Variants in KIRREL3 observed in about 807,000 individuals in gnomAD.
KIRREL3 encodes the protein kin of IRRE-like protein 3.
KIRREL3 carries 36 observed loss-of-function variants against 89.7 expected under a neutral mutation model. The observed-to-expected ratio is 0.40, with a 90% CI of 0.31 to 0.53. The LOEUF (loss-of-function observed/expected upper bound fraction) is 0.53. Among genes scored for constraint, KIRREL3 ranks in the 20% least tolerant of loss-of-function variants. The probability of loss-of-function intolerance (pLI) is 0.49; values close to 1 mark genes in which losing one functional copy is unlikely to be tolerated. For missense variants in KIRREL3, 864 were observed against 1,056.6 expected (o/e 0.82, Z 2.53); for synonymous variants, 445 against 441.4 (o/e 1.01, Z -0.10).
chr11:126,647,924 C>G lies in KIRREL3; in HGVS notation c.56-85012G>C, dbSNP rs977110243. Among the ~76,000 whole-genome samples, 2 of 152,340 alleles carry G rather than the reference C, an allele frequency of 1.3e-5. No homozygotes were observed. Among genetic ancestry groups the G allele is most frequent in the Admixed American group, 1.3e-4 (2 of 15,304 alleles). On this transcript the variant is annotated intron_variant, in intron 1 of 16. Coordinates refer to ENST00000525144, the MANE Select transcript of KIRREL3 (RefSeq NM_032531.4). The surrounding 1 kb of genome is among the most constrained non-coding windows in gnomAD (Gnocchi z 4.9). ...TTGTTACACTTTGACTTAATCTTCA[C>G]TCTTCCTTTTGCTTGCTTATACAGT...
At chr11:126,648,758 G>A (rs1248932714) in intron 1 of KIRREL3, among the ~76,000 whole-genome samples, 1 of 78,444 alleles carries the variant, frequency 1.3e-5, no homozygotes, top group African/African-American at 4.5e-5. Context: ...GATCAAATAG[G>A]AACTATATCT....
At position 126,891,190 on chromosome 11, in the gene KIRREL3, C is replaced by T. The variant is rs1258574447; in HGVS notation, c.55+109265G>A. ...ACAGTGGAAACATCTGAGAAGCGTC[C>T]CAAGATACTGCAAATTATAAAGGGT... On this transcript the variant is annotated intron_variant, in intron 1 of 16. Coordinates refer to ENST00000525144, the MANE Select transcript of KIRREL3 (RefSeq NM_032531.4). The surrounding 1 kb of genome is among the most constrained non-coding windows in gnomAD (Gnocchi z 5.1). 1.3e-5 allele frequency among the ~76,000 whole-genome samples: 2 copies of T among 152,026 alleles called. No homozygotes were observed. Among genetic ancestry groups the T allele is most frequent in the Non-Finnish European group, 2.9e-5 (2 of 68,020 alleles).
rs1939140927 is a variant in KIRREL3 at position 126,550,111 on chromosome 11, TG to T, written c.133+12723del. On this transcript the variant is annotated intron_variant, in intron 2 of 16. Coordinates refer to ENST00000525144, the MANE Select transcript of KIRREL3 (RefSeq NM_032531.4). This position sits in a 1 kb window ranked among gnomAD's most constrained non-coding sequence, Gnocchi z 4.9. ...TCTCCCCGCAAGACAGTGGTATCCT[TG>T]GGGGCAGGGACTGTGTTTTTACATG... The T allele has an allele frequency of 6.6e-6, 1 of 152,204 alleles. No homozygotes were observed. Among genetic ancestry groups the T allele is most frequent in the African/African-American group, 2.4e-5 (1 of 41,440 alleles). 9.4% of individuals were successfully genotyped at this position (152,204 alleles called of 1,614,324 possible). A position where few individuals can be genotyped will look rare whatever the true frequency, so the allele number is the denominator to read the frequency against.
chr11:126,928,460 T>C (rs1947809313), intron 1 of KIRREL3, among the ~76,000 whole-genome samples: 1 of 152,234 alleles, frequency 6.6e-6, no homozygotes. Flanking sequence ...TGATCAGGGC[T>C]GGTTTTGGAA....
chr11:126,433,579 T>C (rs1591524060), intron 13 of KIRREL3, among the ~76,000 whole-genome samples: 1 of 152,062 alleles, frequency 6.6e-6, no homozygotes, highest in South Asian at 2.1e-4. Flanking sequence ...GGTGGAATGG[T>C]GGACACTTAG....
chr11:126,831,411 C>CTCTA, intron 1 of KIRREL3, among the ~76,000 whole-genome samples: 1 of 117,888 alleles, frequency 8.5e-6, no homozygotes, highest in African/African-American at 3.5e-5. Flanking sequence ...GTCAGTCTCT[C>CTCTA]TGTCTCTCTC....
At chr11:126,786,131 T>G (rs1375839992) in intron 1 of KIRREL3, among the ~76,000 whole-genome samples, 1 of 146,854 alleles carries the variant, frequency 6.8e-6, no homozygotes, top group Non-Finnish European at 1.5e-5. Flanking sequence ...GTTCATAGAC[T>G]TGATGGAATA....
At position 126,684,364 on chromosome 11, in the gene KIRREL3, A is replaced by G. The variant is rs1946587275; in HGVS notation, c.56-121452T>C. 6.6e-6 allele frequency among the ~76,000 whole-genome samples: 1 copy of G among 152,218 alleles called. No individual in the cohort carries two copies. The highest frequency in any genetic ancestry group is 2.4e-5 in the African/African-American group (1 of 41,464). On this transcript the variant is annotated intron_variant, in intron 1 of 16. Transcript: ENST00000525144. This position sits in a 1 kb window ranked among gnomAD's most constrained non-coding sequence, Gnocchi z 4.2. ...AGAATCCTTATCACAAAGCCAATGG[A>G]AACAAAGAAGTGATACATTAAAAAC... is the stretch of plus-strand genomic sequence containing the variant.
chr11:126,466,263 A>C (rs1009407853), intron 5 of KIRREL3, among the ~76,000 whole-genome samples: 4 of 152,244 alleles, frequency 2.6e-5, no homozygotes, highest in Non-Finnish European at 5.9e-5. Context: ...AAAAAGGGAG[A>C]TGTGTTCATT....
rs896448476 is a variant in KIRREL3 at position 126,441,670 on chromosome 11, A to G, written c.1253-1121T>C. Among the ~76,000 whole-genome samples, 1 of 152,222 alleles carries G rather than the reference A, an allele frequency of 6.6e-6. No individual in the cohort carries two copies. The highest frequency in any genetic ancestry group is 1.5e-5 in the Non-Finnish European group (1 of 68,036). On this transcript the variant is annotated intron_variant, in intron 10 of 16. Coordinates refer to ENST00000525144, the MANE Select transcript of KIRREL3 (RefSeq NM_032531.4). This position sits in a 1 kb window ranked among gnomAD's most constrained non-coding sequence, Gnocchi z 5.0. The stretch of plus-strand genomic sequence containing the variant: ...CAAAACAAAAATTGCTGCAAACATA[A>G]TTGCTGTTTATTAGCCACCTTAATT...
chr11:126,616,512 A>C (rs549109070), intron 1 of KIRREL3, among the ~76,000 whole-genome samples: 17 of 152,346 alleles, frequency 1.1e-4, no homozygotes, highest in Admixed American at 6.5e-4. Context: ...TGGTAAGCAC[A>C]AAAAAGGGAG....
chr11:126,904,423 T>C lies in KIRREL3; in HGVS notation c.55+96032A>G, dbSNP rs569267323. Among the ~76,000 whole-genome samples the C allele has an allele frequency of 2.0e-5, 3 of 152,240 alleles. No individual in the cohort carries two copies. The highest frequency in any genetic ancestry group is 6.5e-5 in the Admixed American group (1 of 15,282). On this transcript the variant is annotated intron_variant, in intron 1 of 16. Transcript: ENST00000525144. This position sits in a 1 kb window ranked among gnomAD's most constrained non-coding sequence, Gnocchi z 4.4. ...CAATAAGACTGATCACTAGTGGGGATAGTGCAACTGATAAAAGGAACCTGC... is the reference window on the plus strand; with the variant it reads ...CAATAAGACTGATCACTAGTGGGGACAGTGCAACTGATAAAAGGAACCTGC...
intron 1 of KIRREL3, among the ~76,000 whole-genome samples, chr11:126,873,099 T>A (rs566067930): frequency 1.3e-5 from 2 of 152,158 alleles, no homozygotes; most frequent in Non-Finnish European, 2.9e-5. Context: ...GACGGCTCTG[T>A]CAAAAGTGTA....
In KIRREL3 at chr11:126,811,400, AAT is replaced by A. The variant is rs1449901247; in HGVS notation, c.55+189053_55+189054del. The stretch of plus-strand genomic sequence containing the variant: ...CCAAGAGGGTAGGGGGCTGTGTCTG[AAT>A]TTTGGTTAATTGCTGCATCCCTAGA... On this transcript the variant is annotated intron_variant, in intron 1 of 16. Coordinates refer to ENST00000525144, the MANE Select transcript of KIRREL3 (RefSeq NM_032531.4). This position sits in a 1 kb window ranked among gnomAD's most constrained non-coding sequence, Gnocchi z 4.3. Among the ~76,000 whole-genome samples the A allele has an allele frequency of 6.6e-6, 1 of 151,990 alleles. No individual in the cohort carries two copies. Among genetic ancestry groups the A allele is most frequent in the Non-Finnish European group, 1.5e-5 (1 of 67,996 alleles).
intron 1 of KIRREL3, among the ~76,000 whole-genome samples, chr11:126,716,978 G>A (rs943322751): frequency 6.6e-5 from 10 of 152,210 alleles, no homozygotes; most frequent in South Asian, 4.2e-4. Context: ...GATTTGGTGC[G>A]TTTTTGACAG....
chr11:126,881,128 G>A lies in KIRREL3; in HGVS notation c.55+119327C>T, dbSNP rs545654952. On this transcript the variant is annotated intron_variant, in intron 1 of 16. Coordinates refer to ENST00000525144, the MANE Select transcript of KIRREL3 (RefSeq NM_032531.4). ...CAGCCAATAGTCACTCTGCTGACAA[G>A]TACTTTGCTCCCCTCCACCAATCAC... is the stretch of plus-strand genomic sequence containing the variant. Among the ~76,000 whole-genome samples the A allele has an allele frequency of 1.6e-4, 25 of 152,340 alleles. No individual in the cohort carries two copies. In the South Asian group the frequency reaches 1.9e-3, roughly 11 times the overall value.
At chr11:126,757,940 A>G (rs1017929589) in intron 1 of KIRREL3, among the ~76,000 whole-genome samples, 11 of 152,174 alleles carry the variant, frequency 7.2e-5, no homozygotes, top group Non-Finnish European at 1.0e-4. Context: ...TCTGTATGGG[A>G]TGGCAACCAA....
rs771843314 is a variant in KIRREL3 at position 126,666,934 on chromosome 11, T to C, written c.56-104022A>G. ...CAACAGTCTCAGGGTCAGCATTTCC[T>C]AGTCCTACAAGATTCAGATCCCTGA... On this transcript the variant is annotated intron_variant, in intron 1 of 16. Transcript: ENST00000525144. The surrounding 1 kb of genome is among the most constrained non-coding windows in gnomAD (Gnocchi z 4.2). Among the ~76,000 whole-genome samples the C allele has an allele frequency of 2.0e-5, 3 of 152,230 alleles. No homozygotes were observed. Among genetic ancestry groups the C allele is most frequent in the Non-Finnish European group, 4.4e-5 (3 of 68,038 alleles).
chr11:126,910,003 T>A (rs1208096049), intron 1 of KIRREL3, among the ~76,000 whole-genome samples: 2 of 152,180 alleles, frequency 1.3e-5, no homozygotes, highest in African/African-American at 4.8e-5. Flanking sequence ...TCCAGGGTTG[T>A]AAAAGATAAA....
Sources: allele counts gnomAD v4.1 joint callset (sites outside exome capture counted in the v4.1 genomes callset), GRCh38; gene constraint gnomAD v4.1.1; non-coding constraint Gnocchi (gnomAD v3.1); transcripts MANE v1.5; gene names NCBI Gene and HGNC (gene_info 2026-07-23, HGNC 2026-07-21).